Variants in GFRAL observed in about 807,000 individuals in gnomAD.
GFRAL encodes GDNF family receptor alpha like.
Under a neutral mutation model 45.4 loss-of-function variants are expected in GFRAL, and 36 were observed. The observed-to-expected ratio is 0.79, with a 90% CI of 0.61 to 1.05. The LOEUF (loss-of-function observed/expected upper bound fraction) is 1.05, where lower values mean the gene tolerates loss of function less well. GFRAL is among the 50% of genes least tolerant of loss of function. The pLI, the probability that GFRAL is intolerant of heterozygous loss-of-function variation, is 0.00. For synonymous variants in GFRAL, 166 were observed against 154.1 expected, an observed-to-expected ratio of 1.08 and a Z score of -0.57; for missense variants, 507 against 467.5, an observed-to-expected ratio of 1.08 and a Z score of -0.78.
rs748076705 is a variant in GFRAL at position 55,333,865 on chromosome 6, A to G, written c.237A>G (p.Gln79=). ...SIQYLVESNF[Q]FKECLCTDDF... is the part of the protein sequence containing the mutation. ...AGTACTTAGTGGAAAGCAATTTCCA[A>G]TTTAAAGAGTGTCTTTGCACTGATG... The change falls in exon 3 of 9, where the codon CAA becomes CAG. Residue 79 remains glutamine, a synonymous_variant. Transcript: ENST00000340465. The G allele has an allele frequency of 1.2e-6, 2 of 1,610,328 alleles. No individual in the cohort carries two copies. The highest frequency in any genetic ancestry group is 2.2e-5 in the East Asian group (1 of 44,734).
At chr6:55,395,507 A>T (rs535616564) in intron 6 of GFRAL, among the ~76,000 whole-genome samples, 1 of 152,020 alleles carries the variant, frequency 6.6e-6, no homozygotes, top group South Asian at 2.1e-4. Flanking sequence ...TTTTCCCATG[A>T]AACTCATTCT....
intron 6 of GFRAL, among the ~76,000 whole-genome samples, chr6:55,378,664 A>G (rs184631029): frequency 6.6e-6 from 1 of 151,814 alleles, no homozygotes; most frequent in East Asian, 2.0e-4. Flanking sequence ...TTTTTCCCTC[A>G]TTCCCTTTTC....
chr6:55,392,389 T>C (rs761352665), intron 6 of GFRAL, among the ~76,000 whole-genome samples: 6 of 152,218 alleles, frequency 3.9e-5, no homozygotes, highest in Non-Finnish European at 8.8e-5. Flanking sequence ...TTTACTTGGG[T>C]CCAAATATGG....
intron 3 of GFRAL, among the ~76,000 whole-genome samples, chr6:55,345,007 G>A (rs989970595): frequency 6.6e-6 from 1 of 152,148 alleles, no homozygotes; most frequent in African/African-American, 2.4e-5. Flanking sequence ...CCTCTTCAAG[G>A]AGGACTACAA....
At chr6:55,394,335 T>A (rs1041318222) in intron 6 of GFRAL, among the ~76,000 whole-genome samples, 4 of 152,152 alleles carry the variant, frequency 2.6e-5, no homozygotes, top group Admixed American at 2.6e-4. Context: ...GGTTTCTTCT[T>A]ACTTAAGGGG....
intron 6 of GFRAL, among the ~76,000 whole-genome samples, chr6:55,393,188 G>T (rs900535857): frequency 1.3e-5 from 2 of 152,138 alleles, no homozygotes; most frequent in East Asian, 1.9e-4. Flanking sequence ...TTTCCAATTT[G>T]TTTTCCTGGA....
At chr6:55,344,466 A>G (rs1476017577) in intron 3 of GFRAL, among the ~76,000 whole-genome samples, 1 of 152,238 alleles carries the variant, frequency 6.6e-6, no homozygotes, top group Non-Finnish European at 1.5e-5. Flanking sequence ...TAGATGCAGA[A>G]AAGGCCTTTG....
chr6:55,372,432 C>A (rs1460238712), intron 6 of GFRAL, among the ~76,000 whole-genome samples: 1 of 152,124 alleles, frequency 6.6e-6, no homozygotes, highest in Non-Finnish European at 1.5e-5. Context: ...AACAAATAAG[C>A]TCCAGAAGCT....
rs181146169 is a variant in GFRAL at position 55,354,353 on chromosome 6, G to T, written c.701+2770G>T. ...ACCACCTTTTCAAAATGTTTGGTGT[G>T]GGGTCTGGAGTGGGATAAGCACTCA... On this transcript the variant is annotated intron_variant, in intron 5 of 8. Transcript: ENST00000340465. Among the ~76,000 whole-genome samples the T allele has an allele frequency of 6.2e-4, 94 of 152,014 alleles. 3 individuals are homozygous for T. The East Asian group carries it at 0.018, about 29-fold the overall frequency.
chr6:55,349,591 GT>G (rs1562052375), intron 3 of GFRAL, among the ~76,000 whole-genome samples: 1 of 151,930 alleles, frequency 6.6e-6, no homozygotes, highest in African/African-American at 2.4e-5. Flanking sequence ...GTTCATTTTC[GT>G]TGATGAGATT....
chr6:55,367,634 C>T (rs1053688132), intron 6 of GFRAL, among the ~76,000 whole-genome samples: 7 of 150,846 alleles, frequency 4.6e-5, no homozygotes, highest in African/African-American at 1.7e-4. Context: ...TAAGGCAGGC[C>T]TGGTGGTGAC....
At chr6:55,336,735 C>T (rs976482236) in intron 3 of GFRAL, among the ~76,000 whole-genome samples, 3 of 152,016 alleles carry the variant, frequency 2.0e-5, no homozygotes, top group Non-Finnish European at 4.4e-5. Context: ...TGCTTTATTA[C>T]CCCAACTAGA....
At chr6:55,399,464 G>C (rs770302603) in intron 8 of GFRAL, 23 bp downstream of exon 8, 1 of 1,429,418 alleles carries the variant, frequency 7.0e-7, no homozygotes, top group Admixed American at 1.7e-5. Flanking sequence ...AAATTAGAAG[G>C]AAAGGTCTGA....
At position 55,358,998 on chromosome 6, in the gene GFRAL, G is replaced by A. The variant is rs541154071; in HGVS notation, c.812G>A (p.Gly271Glu). ...AGCAAACAGGACCTCACTTGTTCAGGAAGTGATGACTGCAAAGCTGCTTAC... is the reference window on the plus strand; with the variant it reads ...AGCAAACAGGACCTCACTTGTTCAGAAAGTGATGACTGCAAAGCTGCTTAC... ...TLSKQDLTCS[G>E]SDDCKAAYID... Residue 271 changes from glycine (G) to glutamate (E), a missense_variant, in exon 6 of 9, where the codon GGA becomes GAA. By Grantham distance (98) the Gly-to-Glu change is moderately conservative. Transcript: ENST00000340465. The A allele has an allele frequency of 1.2e-6, 2 of 1,613,074 alleles. No homozygotes were observed. Among genetic ancestry groups the A allele is most frequent in the African/African-American group, 2.7e-5 (2 of 74,946 alleles).
At chr6:55,389,334 G>C (rs2127365074) in intron 6 of GFRAL, among the ~76,000 whole-genome samples, 1 of 152,088 alleles carries the variant, frequency 6.6e-6, no homozygotes, top group Middle Eastern at 3.4e-3. Context: ...AAAAGTATTT[G>C]AAATTATGAA....
At chr6:55,355,097 T>C (rs1469689882) in intron 5 of GFRAL, among the ~76,000 whole-genome samples, 2 of 152,040 alleles carry the variant, frequency 1.3e-5, no homozygotes, top group African/African-American at 4.8e-5. Flanking sequence ...CATTATTTAA[T>C]TGATTTAAAA....
intron 5 of GFRAL, among the ~76,000 whole-genome samples, chr6:55,353,243 T>C (rs1768143400): frequency 2.6e-5 from 4 of 152,032 alleles, no homozygotes; most frequent in Admixed American, 1.3e-4. Flanking sequence ...TTGTTTCAAC[T>C]ACTGGCAAAA....
chr6:55,329,433 T>G (rs1427634182), intron 1 of GFRAL, among the ~76,000 whole-genome samples: 2 of 152,150 alleles, frequency 1.3e-5, no homozygotes, highest in Non-Finnish European at 2.9e-5. Flanking sequence ...ATCTGGGATA[T>G]TATCACTTAT....
intron 6 of GFRAL, among the ~76,000 whole-genome samples, chr6:55,381,886 A>C (rs1444430281): frequency 6.6e-6 from 1 of 151,900 alleles, no homozygotes; most frequent in Non-Finnish European, 1.5e-5. Flanking sequence ...GTATACATAA[A>C]TGCACATACA....
Sources: allele counts gnomAD v4.1 joint callset (sites outside exome capture counted in the v4.1 genomes callset), GRCh38; gene constraint gnomAD v4.1.1; transcripts MANE v1.5; gene names NCBI Gene and HGNC (gene_info 2026-07-23, HGNC 2026-07-21).